Variants in MSANTD3 observed in about 807,000 individuals in gnomAD.
The protein encoded by MSANTD3 is Myb/SANT DNA binding domain containing 3.
MSANTD3 carries 11 observed loss-of-function variants against 27.7 expected under a neutral mutation model. The observed-to-expected ratio is 0.40, with a 90% CI of 0.25 to 0.66. MSANTD3 has a LOEUF of 0.66. Ranked by LOEUF, MSANTD3 falls within the 30% of genes least tolerant of loss-of-function variation. The pLI, the probability that MSANTD3 is intolerant of heterozygous loss-of-function variation, is 0.41. For synonymous variants in MSANTD3, 131 were observed against 127.2 expected (o/e 1.03, Z -0.20); for missense variants, 250 against 336.5 (o/e 0.74, Z 2.01).
At chr9:100,449,035 C>T in intron 2 of MSANTD3, 1 of 985,272 alleles carries the variant, frequency 1.0e-6, no homozygotes, top group Non-Finnish European at 1.2e-6. Flanking sequence ...TCTCATCTTC[C>T]AGAATAACGG....
chr9:100,434,039 G>A (rs2118188231), intron 1 of MSANTD3, among the ~76,000 whole-genome samples: 1 of 152,234 alleles, frequency 6.6e-6, no homozygotes, highest in East Asian at 1.9e-4. Flanking sequence ...CAATACATGT[G>A]CATTATGTCT....
Position 100,450,870 on chromosome 9 carries a change from C to T in MSANTD3, c.732C>T (p.Leu244=). The part of the protein sequence containing the change: ...EEEHRIKMEV[L]NKKKMYWERK... ...AACACAGGATAAAAATGGAAGTTCT[C>T]AATAAAAAGAAGATGTATTGGGAAA... The change falls in exon 3 of 3, where the codon CTC becomes CTT. Residue 244 remains leucine (L), a synonymous_variant. Coordinates refer to ENST00000395067, the MANE Select transcript of MSANTD3 (RefSeq NM_080655.3). The T allele has an allele frequency of 6.2e-7, 1 of 1,613,902 alleles. No homozygotes were observed.
At chr9:100,435,242 C>T (rs75859516) in intron 1 of MSANTD3, among the ~76,000 whole-genome samples, 3,960 of 152,148 alleles carry the variant, frequency 0.026, 155 homozygotes, top group African/African-American at 0.09. Context: ...GATTTGAGCC[C>T]GGGTTTTCTG....
rs531908270 is a variant in MSANTD3, at chr9:100,451,699, T to C, written c.*733T>C. On this transcript the variant is annotated 3_prime_UTR_variant, in exon 3 of 3. Transcript: ENST00000395067. ...TCGTTTAGATTTCTACATTCTGTTA[T>C]GTTGGTTTTATTAAAAAAAAAAAAA... is the stretch of plus-strand genomic sequence containing the variant. 1.3e-5 allele frequency: 2 copies of C among 148,230 alleles called. No homozygotes were observed. The highest frequency in any genetic ancestry group is 2.1e-4 in the South Asian group (1 of 4,690). The allele number at this position is 148,230 out of a possible 1,614,324, so 9.2% of individuals were successfully genotyped here. A position where few individuals can be genotyped will look rare whatever the true frequency, so the allele number is the denominator to read the frequency against.
intron 2 of MSANTD3, 59 bp from the exon 3 acceptor site, chr9:100,450,498 T>G: frequency 7.0e-7 from 1 of 1,428,662 alleles, no homozygotes; most frequent in Non-Finnish European, 9.4e-7. Flanking sequence ...TAGGATTGGT[T>G]TTTTTTTTTC....
chr9:100,447,423 G>A (rs1182842692), intron 2 of MSANTD3, among the ~76,000 whole-genome samples: 1 of 152,018 alleles, frequency 6.6e-6, no homozygotes, highest in Non-Finnish European at 1.5e-5. Flanking sequence ...AAAAAGAGTA[G>A]TTTTAAAGAA....
intron 1 of MSANTD3, among the ~76,000 whole-genome samples, chr9:100,438,259 G>C (rs1836522976): frequency 6.6e-6 from 1 of 152,144 alleles, no homozygotes; most frequent in South Asian, 2.1e-4. Context: ...AAACAAAATA[G>C]GGAGATGGAC....
rs1836866855 is a variant in MSANTD3, at chr9:100,450,785, A to G, written c.647A>G (p.Asn216Ser). 10 of 1,614,158 alleles carry G rather than the reference A, an allele frequency of 6.2e-6. No individual in the cohort carries two copies. In the East Asian group the frequency reaches 2.2e-4, roughly 36 times the overall value. The change falls in exon 3 of 3, where the codon AAT (asparagine) becomes AGT (serine). Residue 216 changes from asparagine to serine, a missense_variant. By Grantham distance (46) the Asn-to-Ser change is conservative (BLOSUM62 1). Around this residue, in one of 3 missense-constraint regions of MSANTD3, gnomAD observed 235 missense variants for 299.3 expected, o/e 0.79. Coordinates refer to ENST00000395067, the MANE Select transcript of MSANTD3 (RefSeq NM_080655.3). ...TTACAACTGCAACTGATACAAATGA[A>G]TGAGGTGCATGTGGCCAAAATCCAG... ...SILQLQLIQMNEVHVAKIQQI... is the reference protein window; with the variant it reads ...SILQLQLIQMSEVHVAKIQQI...
intron 1 of MSANTD3, among the ~76,000 whole-genome samples, chr9:100,435,860 G>A (rs1564247679): frequency 2.6e-5 from 4 of 152,176 alleles, no homozygotes; most frequent in African/African-American, 9.6e-5. Flanking sequence ...GGGAATTAGG[G>A]CTTCAACATA....
In MSANTD3 at chr9:100,441,916, G is replaced by A. The variant is rs749165538; in HGVS notation, c.-23G>A. 8.3e-6 allele frequency: 13 copies of A among 1,574,266 alleles called. No individual in the cohort carries two copies. Among genetic ancestry groups the A allele is most frequent in the Non-Finnish European group, 9.5e-6 (11 of 1,159,056 alleles). On this transcript the variant is annotated 5_prime_UTR_variant, in exon 2 of 3. Coordinates refer to ENST00000395067, the MANE Select transcript of MSANTD3 (RefSeq NM_080655.3). ...AACTTCCTTTTACAGGATAGCTAGCGGCCAGGAGAAATACAGTGGAAAATG... is the reference window on the plus strand; with the variant it reads ...AACTTCCTTTTACAGGATAGCTAGCAGCCAGGAGAAATACAGTGGAAAATG...
At chr9:100,430,324 CAAAAAAAA>C (rs35854801) in intron 1 of MSANTD3, among the ~76,000 whole-genome samples, 3 of 96,028 alleles carry the variant, frequency 3.1e-5, no homozygotes, top group East Asian at 3.3e-4. Flanking sequence ...GACTCTGTGT[CAAAAAAAA>C]AAAAAAAAAA....
At position 100,431,979 on chromosome 9, in the gene MSANTD3, G is replaced by T. The variant is rs1241175063; in HGVS notation, c.-34+4586G>T. Among the ~76,000 whole-genome samples, 3 of 152,134 alleles carry T rather than the reference G, an allele frequency of 2.0e-5. No homozygotes were observed. In the East Asian group the frequency reaches 5.8e-4, roughly 29 times the overall value. On this transcript the variant is annotated intron_variant, in intron 1 of 2. Coordinates refer to ENST00000395067, the MANE Select transcript of MSANTD3 (RefSeq NM_080655.3). ...GCATTTCAGGGAAGCCGTGGGTGGG[G>T]ATGGTTTAAGATGGAGTGTGGGGAA...
In MSANTD3 at chr9:100,427,212, GCCGCGGCGCGCGCGGCGGGGCC is replaced by G. The variant is rs1836263613; in HGVS notation, c.-214_-193del. ...GGGGCGGCGGCGTCCGGGCTTTGTG[GCCGCGGCGCGCGCGGCGGGGCC>G]TGGCCGGCCGGGGGCGCGCCGCCGC... On this transcript the variant is annotated 5_prime_UTR_variant, in exon 1 of 3. Coordinates refer to ENST00000395067, the MANE Select transcript of MSANTD3 (RefSeq NM_080655.3). The G allele has an allele frequency of 6.9e-6, 1 of 145,772 alleles. No individual in the cohort carries two copies. The highest frequency in any genetic ancestry group is 2.0e-4 in the East Asian group (1 of 4,972). 9.0% of individuals were successfully genotyped at this position (145,772 alleles called of 1,614,324 possible). A position where few individuals can be genotyped will look rare whatever the true frequency, so the allele number is the denominator to read the frequency against.
At chr9:100,442,429 A>T (rs1359177421) in intron 2 of MSANTD3, 73 bp downstream of exon 2, 1 of 1,509,218 alleles carries the variant, frequency 6.6e-7, no homozygotes, top group African/African-American at 1.4e-5. Context: ...AAAACCCTCC[A>T]CTTTGAGGGA....
chr9:100,432,547 A>C (rs910738737), intron 1 of MSANTD3, among the ~76,000 whole-genome samples: 2 of 152,262 alleles, frequency 1.3e-5, no homozygotes, highest in African/African-American at 4.8e-5. Flanking sequence ...ATCAGTTAAA[A>C]AATGCAAATG....
At chr9:100,433,240 G>A (rs1389425086) in intron 1 of MSANTD3, among the ~76,000 whole-genome samples, 2 of 152,176 alleles carry the variant, frequency 1.3e-5, no homozygotes, top group African/African-American at 2.4e-5. Context: ...AAAGTAAGAG[G>A]ATTAGATTGA....
At chr9:100,428,172 C>G (rs1057373152) in intron 1 of MSANTD3, among the ~76,000 whole-genome samples, 1 of 152,130 alleles carries the variant, frequency 6.6e-6, no homozygotes, top group East Asian at 1.9e-4. Context: ...TTTAGTCTCC[C>G]TATTCCGATT....
At chr9:100,427,466 G>A (rs1249634932) in intron 1 of MSANTD3, 73 bp downstream of exon 1, 4 of 150,126 alleles carry the variant, frequency 2.7e-5, no homozygotes, top group Non-Finnish European at 5.9e-5. Flanking sequence ...CGGGCGTAGA[G>A]GGGGCCGGGG....
At chr9:100,428,836 C>A (rs1327363750) in intron 1 of MSANTD3, among the ~76,000 whole-genome samples, 1 of 152,104 alleles carries the variant, frequency 6.6e-6, no homozygotes. Context: ...ACACCATTCA[C>A]TGGGTTAGAG....
Sources: gnomAD v4.1 joint callset for allele counts (sites outside exome capture counted in the v4.1 genomes callset) on GRCh38, gnomAD v4.1.1 for gene constraint, gnomAD v4.1.1 regional missense constraint, MANE v1.5 for transcripts, NCBI Gene and HGNC (gene_info 2026-07-23, HGNC 2026-07-21) for gene names.